BRD10: variants seen among roughly 807,000 people sequenced by gnomAD.
BRD10 encodes uncharacterized bromodomain-containing protein 10.
chr9:5,902,496 A>C, the BRD10 span, among the ~76,000 whole-genome samples: 1 of 144,310 alleles, frequency 6.9e-6, no homozygotes, highest in Non-Finnish European at 1.5e-5. Context: ...ACAGGGTCTC[A>C]TTCTGTCATC....
At chr9:6,007,348 G>A in the BRD10 span, 12 of 1,613,398 alleles carry the variant, frequency 7.4e-6, no homozygotes, top group African/African-American at 4.0e-5. Flanking sequence ...CTGGCCGCTG[G>A]CGAACTTCTC....
the BRD10 span, among the ~76,000 whole-genome samples, chr9:5,886,551 G>C: frequency 2.6e-5 from 4 of 152,164 alleles, no homozygotes; most frequent in Non-Finnish European, 5.9e-5. Context: ...ATTTGCCCAA[G>C]GTCACACACA....
the BRD10 span, chr9:5,920,798 G>A: frequency 6.2e-7 from 1 of 1,613,946 alleles, no homozygotes; most frequent in East Asian, 2.2e-5. Flanking sequence ...TAAACATTTA[G>A]GAGACACTAC....
the BRD10 span, among the ~76,000 whole-genome samples, chr9:5,917,169 T>C: frequency 6.6e-6 from 1 of 152,220 alleles, no homozygotes; most frequent in Non-Finnish European, 1.5e-5. Context: ...AATTAAATAA[T>C]TTCAAACAAG....
the BRD10 span, among the ~76,000 whole-genome samples, chr9:5,934,813 T>A: frequency 6.6e-6 from 1 of 152,182 alleles, no homozygotes; most frequent in Admixed American, 6.5e-5. Context: ...ACTAACTATA[T>A]CCAAAGGTAT....
the BRD10 span, among the ~76,000 whole-genome samples, chr9:5,879,261 G>C: frequency 2.0e-5 from 3 of 152,020 alleles, no homozygotes; most frequent in African/African-American, 7.2e-5. Context: ...TCAGGAGTTC[G>C]AGACCAGCCT....
At chr9:5,932,763 C>G in the BRD10 span, among the ~76,000 whole-genome samples, 1 of 152,238 alleles carries the variant, frequency 6.6e-6, no homozygotes, top group Admixed American at 6.5e-5. Flanking sequence ...GTCTAATCTC[C>G]TTCCACTATA....
chr9:5,951,868 G>C, the BRD10 span, among the ~76,000 whole-genome samples: 1 of 151,934 alleles, frequency 6.6e-6, no homozygotes, highest in East Asian at 1.9e-4. Context: ...GTAATGCCGT[G>C]GTATTCATAT....
the BRD10 span, among the ~76,000 whole-genome samples, chr9:5,951,932 CCTCT>C: frequency 1.2e-4 from 18 of 151,308 alleles, no homozygotes; most frequent in African/African-American, 3.6e-4. Flanking sequence ...TCCTCTCTAT[CCTCT>C]CTCTCTCTCT....
At chr9:5,944,200 G>A in the BRD10 span, among the ~76,000 whole-genome samples, 2 of 152,050 alleles carry the variant, frequency 1.3e-5, no homozygotes, top group African/African-American at 4.8e-5. Flanking sequence ...TTTAAAATCT[G>A]TGCATAGCCC....
chr9:5,896,024 C>T, the BRD10 span, among the ~76,000 whole-genome samples: 50 of 152,338 alleles, frequency 3.3e-4, no homozygotes, highest in South Asian at 0.01. Context: ...CTCCTTGTGA[C>T]AGCTTCAGTT....
the BRD10 span, among the ~76,000 whole-genome samples, chr9:5,887,581 G>C: frequency 6.6e-6 from 1 of 152,160 alleles, no homozygotes; most frequent in African/African-American, 2.4e-5. Context: ...GGACTTTTCA[G>C]CTCAGAACTG....
chr9:5,998,819 A>T, the BRD10 span, among the ~76,000 whole-genome samples: 1 of 152,072 alleles, frequency 6.6e-6, no homozygotes, highest in Non-Finnish European at 1.5e-5. Context: ...TGGAATTAAT[A>T]AGTAGTAGAA....
chr9:5,901,813 C>G, the BRD10 span, among the ~76,000 whole-genome samples: 2 of 152,174 alleles, frequency 1.3e-5, no homozygotes, highest in African/African-American at 4.8e-5. Flanking sequence ...TGAGCCACCA[C>G]GCCTGGCCTG....
chr9:5,965,126 A>G, the BRD10 span, among the ~76,000 whole-genome samples: 2 of 151,816 alleles, frequency 1.3e-5, no homozygotes, highest in African/African-American at 4.8e-5. Context: ...ATTTGGAGAT[A>G]CTACCAAAAA....
At chr9:5,914,624 C>T in the BRD10 span, among the ~76,000 whole-genome samples, 3 of 151,776 alleles carry the variant, frequency 2.0e-5, no homozygotes, top group Non-Finnish European at 2.9e-5. Flanking sequence ...GGGGTTTCAC[C>T]GCATTAGCCA....
chr9:5,982,015 C>G, the BRD10 span, among the ~76,000 whole-genome samples: 1 of 151,568 alleles, frequency 6.6e-6, no homozygotes, highest in Admixed American at 6.6e-5. Context: ...ACCTGTTCCC[C>G]AAAAACCTAT....
the BRD10 span, among the ~76,000 whole-genome samples, chr9:5,972,097 T>C: frequency 6.6e-6 from 1 of 152,158 alleles, no homozygotes; most frequent in Admixed American, 6.5e-5. Context: ...TCTAAGGGAA[T>C]GCACCTTAAG....
At chr9:5,951,186 T>C in the BRD10 span, among the ~76,000 whole-genome samples, 1 of 151,960 alleles carries the variant, frequency 6.6e-6, no homozygotes, top group Non-Finnish European at 1.5e-5. Context: ...GGTGCAGATA[T>C]TAGGTGTGTA....
Sources: gnomAD v4.1 joint callset for allele counts (sites outside exome capture counted in the v4.1 genomes callset) on GRCh38, gnomAD v4.1.1 for gene constraint, MANE v1.5 for transcripts, NCBI Gene and HGNC (gene_info 2026-07-23, HGNC 2026-07-21) for gene names.